NCAM2: variants seen among roughly 807,000 people sequenced by gnomAD.
NCAM2 encodes neural cell adhesion molecule 2, also known as N-CAM-2.
NCAM2 carries 30 observed loss-of-function variants against 98.1 expected under a neutral mutation model. The ratio of observed to expected loss-of-function variants is 0.31; its 90% CI spans 0.23 to 0.41. NCAM2 has a LOEUF of 0.41. NCAM2 is among the 10% of genes least tolerant of loss of function. NCAM2 has a pLI of 1.00. For synonymous variants in NCAM2, 368 were observed against 342.4 expected (o/e 1.07, Z -0.83); for missense variants, 867 against 1,005.8 (o/e 0.86, Z 1.87).
chr21:21,115,157 GA>G (rs1231537159), intron 1 of NCAM2, among the ~76,000 whole-genome samples: 2 of 151,972 alleles, frequency 1.3e-5, no homozygotes, highest in Non-Finnish European at 2.9e-5. Flanking sequence ...TTTCCTGAGT[GA>G]AAAAAATGAA....
intron 16 of NCAM2, among the ~76,000 whole-genome samples, chr21:21,523,108 T>C (rs913921709): frequency 6.6e-6 from 1 of 152,236 alleles, no homozygotes; most frequent in Non-Finnish European, 1.5e-5. Flanking sequence ...AATTGAATAG[T>C]TTGCAAATAT....
At chr21:21,054,498 A>C (rs889077238) in intron 1 of NCAM2, among the ~76,000 whole-genome samples, 1 of 152,044 alleles carries the variant, frequency 6.6e-6, no homozygotes, top group African/African-American at 2.4e-5. Context: ...CAAAATTTAA[A>C]GGCATGGTTT....
intron 1 of NCAM2, among the ~76,000 whole-genome samples, chr21:21,030,769 A>G (rs940756806): frequency 6.6e-6 from 1 of 152,226 alleles, no homozygotes; most frequent in Non-Finnish European, 1.5e-5. Flanking sequence ...ATGATTCAGT[A>G]TTAATTGATT....
At chr21:21,450,147 T>G (rs1312323393) in intron 12 of NCAM2, among the ~76,000 whole-genome samples, 1 of 151,924 alleles carries the variant, frequency 6.6e-6, no homozygotes, top group Admixed American at 6.6e-5. Context: ...AATCAGAAAA[T>G]ATTTTCAATT....
At chr21:21,455,992 G>C (rs1358451073) in intron 12 of NCAM2, among the ~76,000 whole-genome samples, 2 of 151,942 alleles carry the variant, frequency 1.3e-5, no homozygotes, top group East Asian at 3.9e-4. Flanking sequence ...TTCAAAATAA[G>C]AGAGAAAACT....
intron 17 of NCAM2, among the ~76,000 whole-genome samples, chr21:21,537,025 T>C (rs1277667835): frequency 1.3e-5 from 2 of 152,108 alleles, no homozygotes; most frequent in East Asian, 1.9e-4. Context: ...TCCTAAAATA[T>C]GTTCATTTGC....
chr21:21,352,707 C>CAA (rs2075374157), intron 8 of NCAM2, among the ~76,000 whole-genome samples: 1 of 146,222 alleles, frequency 6.8e-6, no homozygotes, highest in Admixed American at 6.9e-5. Flanking sequence ...ACAAGCCCAA[C>CAA]AACTTGAAAG....
intron 1 of NCAM2, among the ~76,000 whole-genome samples, chr21:21,062,854 A>C (rs1051205681): frequency 6.6e-6 from 1 of 152,206 alleles, no homozygotes; most frequent in Non-Finnish European, 1.5e-5. Context: ...TCATATGCAG[A>C]GAAAGGTGAT....
At chr21:21,057,475 G>C (rs1442030307) in intron 1 of NCAM2, among the ~76,000 whole-genome samples, 1 of 152,076 alleles carries the variant, frequency 6.6e-6, no homozygotes, top group East Asian at 1.9e-4. Context: ...AGACTTCAGA[G>C]AGGTAACTCA....
At chr21:21,052,861 C>T (rs1270557356) in intron 1 of NCAM2, among the ~76,000 whole-genome samples, 1 of 152,086 alleles carries the variant, frequency 6.6e-6, no homozygotes, top group East Asian at 1.9e-4. Context: ...CCAGTCAGCA[C>T]AAAATTTGTG....
intron 1 of NCAM2, among the ~76,000 whole-genome samples, chr21:21,266,884 A>T (rs1309851553): frequency 6.6e-6 from 1 of 152,106 alleles, no homozygotes; most frequent in Non-Finnish European, 1.5e-5. Flanking sequence ...AAATAATAAT[A>T]ATTATGCCCA....
intron 5 of NCAM2, among the ~76,000 whole-genome samples, chr21:21,310,055 T>C (rs1381702960): frequency 6.6e-6 from 1 of 152,186 alleles, no homozygotes. Context: ...TCTAAGGTTT[T>C]GAAAAATGTA....
chr21:21,361,894 C>G (rs1224115542), intron 8 of NCAM2, among the ~76,000 whole-genome samples: 3 of 152,046 alleles, frequency 2.0e-5, no homozygotes, highest in Non-Finnish European at 4.4e-5. Context: ...GCTAGAAATA[C>G]ATTTTTTAAC....
At chr21:21,445,579 A>C (rs1362713277) in intron 12 of NCAM2, among the ~76,000 whole-genome samples, 1 of 151,954 alleles carries the variant, frequency 6.6e-6, no homozygotes, top group Non-Finnish European at 1.5e-5. Context: ...TCCCTTTAGC[A>C]TTATGTAAGG....
intron 1 of NCAM2, among the ~76,000 whole-genome samples, chr21:21,214,815 C>A (rs4818607): frequency 0.5 from 69,884 of 141,166 alleles, 17,436 homozygotes; most frequent in Middle Eastern, 0.62. Flanking sequence ...ATATGTGTAT[C>A]GAATATATGT....
chr21:21,249,622 G>T (rs1457930233), intron 1 of NCAM2, among the ~76,000 whole-genome samples: 1 of 152,020 alleles, frequency 6.6e-6, no homozygotes, highest in African/African-American at 2.4e-5. Context: ...ACAATAAATG[G>T]CTTCTTAGAA....
chr21:21,122,872 G>A (rs1481749721), intron 1 of NCAM2, among the ~76,000 whole-genome samples: 1 of 152,138 alleles, frequency 6.6e-6, no homozygotes, highest in Non-Finnish European at 1.5e-5. Context: ...ACAGGAGGTT[G>A]GCAGAGCTGT....
chr21:21,200,546 A>G (rs2069175911), intron 1 of NCAM2, among the ~76,000 whole-genome samples: 1 of 152,182 alleles, frequency 6.6e-6, no homozygotes, highest in Non-Finnish European at 1.5e-5. Context: ...TGCAATTTAT[A>G]AAGCCTTAGA....
At chr21:21,108,248 T>C (rs913152510) in intron 1 of NCAM2, among the ~76,000 whole-genome samples, 2 of 152,106 alleles carry the variant, frequency 1.3e-5, no homozygotes, top group Non-Finnish European at 2.9e-5. Flanking sequence ...TAAACACTTA[T>C]TAAAATGTAC....
Sources: gnomAD v4.1 joint callset for allele counts (sites outside exome capture counted in the v4.1 genomes callset) on GRCh38, gnomAD v4.1.1 for gene constraint, MANE v1.5 for transcripts, NCBI Gene and HGNC (gene_info 2026-07-23, HGNC 2026-07-21) for gene names.